The following XKR4 variants were observed in gnomAD, a reference collection of about 807,000 sequenced individuals.
XKR4 encodes XK-related protein 4.
XKR4 carries 12 observed loss-of-function variants against 53.9 expected under a neutral mutation model. The ratio of observed to expected loss-of-function variants is 0.22; its 90% CI spans 0.14 to 0.36. XKR4 has a LOEUF of 0.36. Ranked by LOEUF, XKR4 falls within the 10% of genes least tolerant of loss-of-function variation. The pLI, the probability that XKR4 is intolerant of heterozygous loss-of-function variation, is 1.00. For synonymous variants in XKR4, 354 were observed against 362.4 expected (o/e 0.98, Z 0.26); for missense variants, 799 against 859.5 (o/e 0.93, Z 0.88).
At chr8:55,254,201 G>A (rs1333821313) in intron 1 of XKR4, among the ~76,000 whole-genome samples, 1 of 152,024 alleles carries the variant, frequency 6.6e-6, no homozygotes, top group East Asian at 1.9e-4. Context: ...TATATAGAGA[G>A]AGAGATAAGG....
At chr8:55,307,635 C>T (rs1026005811) in intron 1 of XKR4, among the ~76,000 whole-genome samples, 3 of 151,958 alleles carry the variant, frequency 2.0e-5, no homozygotes, top group African/African-American at 7.3e-5. Context: ...GCCTGGGTGA[C>T]AATGAGGCCT....
At chr8:55,498,205 G>A (rs900175343) in intron 2 of XKR4, among the ~76,000 whole-genome samples, 3 of 152,236 alleles carry the variant, frequency 2.0e-5, no homozygotes, top group African/African-American at 7.2e-5. Flanking sequence ...CTCCAAGGAT[G>A]GGCTCTGGCA....
chr8:55,182,047 C>T (rs1017296589), intron 1 of XKR4, among the ~76,000 whole-genome samples: 2 of 152,120 alleles, frequency 1.3e-5, no homozygotes, highest in Non-Finnish European at 2.9e-5. Context: ...ACTTGCTATC[C>T]ATTATTCTTT....
At chr8:55,445,637 A>G (rs1805336264) in intron 2 of XKR4, among the ~76,000 whole-genome samples, 1 of 151,964 alleles carries the variant, frequency 6.6e-6, no homozygotes, top group Non-Finnish European at 1.5e-5. Context: ...GGTTTCTCAG[A>G]GCATGTGCTG....
intron 1 of XKR4, among the ~76,000 whole-genome samples, chr8:55,112,783 A>G (rs1361526212): frequency 6.6e-6 from 1 of 152,006 alleles, no homozygotes; most frequent in Non-Finnish European, 1.5e-5. Context: ...ATAGACTTCC[A>G]GCTCATTAAT....
At chr8:55,452,627 C>T in intron 2 of XKR4, 1 of 1,306,696 alleles carries the variant, frequency 7.7e-7, no homozygotes, top group Non-Finnish European at 1.1e-6. Flanking sequence ...TGTCTGGCAC[C>T]ATGACATGCA....
chr8:55,414,264 A>C (rs1254777203), intron 2 of XKR4, among the ~76,000 whole-genome samples: 1 of 152,166 alleles, frequency 6.6e-6, no homozygotes, highest in Non-Finnish European at 1.5e-5. Flanking sequence ...CTTCAAAGGC[A>C]ACATTTATTC....
chr8:55,312,641 A>G (rs146020803), intron 1 of XKR4, among the ~76,000 whole-genome samples: 1 of 152,342 alleles, frequency 6.6e-6, no homozygotes, highest in Non-Finnish European at 1.5e-5. Flanking sequence ...TCGGTAGAAC[A>G]ATAGTCCATC....
rs550528489 is a variant in XKR4, at chr8:55,406,032, T to C, written c.1006+48155T>C. 9.8e-5 allele frequency among the ~76,000 whole-genome samples: 15 copies of C among 152,344 alleles called. No homozygotes were observed. The South Asian group carries it at 2.7e-3, about 27-fold the overall frequency. The stretch of plus-strand genomic sequence containing the variant: ...TTTTATAGTCTCAACCAATTTGCAA[T>C]TGATCAGTTGACCCTGATCAATGAT... On this transcript the variant is annotated intron_variant, in intron 2 of 2. Coordinates refer to ENST00000327381, the MANE Select transcript of XKR4 (RefSeq NM_052898.2).
At chr8:55,162,367 C>G (rs182449157) in intron 1 of XKR4, among the ~76,000 whole-genome samples, 1 of 152,176 alleles carries the variant, frequency 6.6e-6, no homozygotes, top group Non-Finnish European at 1.5e-5. Flanking sequence ...AATGGTGAAG[C>G]CTACTGATCT....
chr8:55,439,921 G>T (rs548271180), intron 2 of XKR4, among the ~76,000 whole-genome samples: 2 of 152,134 alleles, frequency 1.3e-5, no homozygotes, highest in African/African-American at 2.4e-5. Flanking sequence ...ACATAGTAGC[G>T]TGAAGCTGCA....
At position 55,430,084 on chromosome 8, in the gene XKR4, A is replaced by G. The variant is rs189335786; in HGVS notation, c.1006+72207A>G. On this transcript the variant is annotated intron_variant, in intron 2 of 2. Coordinates refer to ENST00000327381, the MANE Select transcript of XKR4 (RefSeq NM_052898.2). ...TAGGGAAATGCAAATTAAAGCTACA[A>G]TGAAATATTACTACTTACCTATTAT... Among the ~76,000 whole-genome samples, 32 of 152,366 alleles carry G rather than the reference A, an allele frequency of 2.1e-4. No homozygotes were observed. The East Asian group carries it at 5.2e-3, about 25-fold the overall frequency.
chr8:55,162,242 G>C lies in XKR4; in HGVS notation c.806+58948G>C, dbSNP rs566122973. 1.7e-3 allele frequency among the ~76,000 whole-genome samples: 265 copies of C among 152,286 alleles called. 3 individuals are homozygous for C. In the South Asian group the frequency reaches 0.024, roughly 14 times the overall value. ...ACACACCGAGTGCCTCCGACAGGCT[G>C]TAAGGGCTTCAAGAATACAACCCAC... is the stretch of plus-strand genomic sequence containing the variant. On this transcript the variant is annotated intron_variant, in intron 1 of 2. Transcript: ENST00000327381.
intron 1 of XKR4, among the ~76,000 whole-genome samples, chr8:55,227,021 C>A (rs1483663984): frequency 6.6e-6 from 1 of 152,178 alleles, no homozygotes; most frequent in Non-Finnish European, 1.5e-5. Flanking sequence ...CCCAGGCATG[C>A]TCTCATTCAA....
intron 1 of XKR4, among the ~76,000 whole-genome samples, chr8:55,111,406 G>C (rs1166615503): frequency 6.6e-6 from 1 of 152,062 alleles, no homozygotes; most frequent in Non-Finnish European, 1.5e-5. Flanking sequence ...AATGTCTACA[G>C]GTGTTCTAAG....
chr8:55,151,184 A>T (rs1816835407), intron 1 of XKR4, among the ~76,000 whole-genome samples: 2 of 152,252 alleles, frequency 1.3e-5, no homozygotes, highest in Non-Finnish European at 2.9e-5. Flanking sequence ...CAACATACGA[A>T]TATTTAAAGA....
At chr8:55,152,873 AC>A (rs1183004544) in intron 1 of XKR4, among the ~76,000 whole-genome samples, 4 of 152,210 alleles carry the variant, frequency 2.6e-5, no homozygotes, top group African/African-American at 7.2e-5. Context: ...CATGGCTAGC[AC>A]CTCAATTACT....
intron 1 of XKR4, among the ~76,000 whole-genome samples, chr8:55,220,760 A>G (rs4341145): frequency 0.84 from 127,515 of 152,228 alleles, 54,274 homozygotes; most frequent in Non-Finnish European, 0.93. Context: ...CTCTTCCCCC[A>G]GTATCTGGTT....
intron 1 of XKR4, among the ~76,000 whole-genome samples, chr8:55,232,069 G>A (rs1818049683): frequency 6.6e-6 from 1 of 152,174 alleles, no homozygotes. Flanking sequence ...GGTTCAAAAT[G>A]GAATCTTATC....
Sources: allele counts gnomAD v4.1 joint callset (sites outside exome capture counted in the v4.1 genomes callset), GRCh38; gene constraint gnomAD v4.1.1; transcripts MANE v1.5; gene names NCBI Gene and HGNC (gene_info 2026-07-23, HGNC 2026-07-21).